Variants in MAGI1 observed in about 807,000 individuals in gnomAD.
The protein encoded by MAGI1 is membrane-associated guanylate kinase, WW and PDZ domain-containing protein 1.
Under a neutral mutation model 139.9 loss-of-function variants are expected in MAGI1, and 58 were observed. The observed-to-expected ratio is 0.41, with a 90% CI of 0.34 to 0.52. MAGI1 has a LOEUF of 0.52. Among genes scored for constraint, MAGI1 ranks in the 20% least tolerant of loss-of-function variants. The pLI is 0.12. For synonymous variants in MAGI1, 812 were observed against 737.9 expected (o/e 1.10, Z -1.63); for missense variants, 1,874 against 1,901.6 (o/e 0.99, Z 0.27).
chr3:65,464,299 T>A (rs530096451), intron 5 of MAGI1, among the ~76,000 whole-genome samples: 1 of 152,284 alleles, frequency 6.6e-6, no homozygotes, highest in East Asian at 1.9e-4. Context: ...GTTATTCTTC[T>A]CTTCCCAGGT....
chr3:65,998,697 T>A (rs552855121), intron 1 of MAGI1, among the ~76,000 whole-genome samples: 2 of 151,850 alleles, frequency 1.3e-5, no homozygotes, highest in Non-Finnish European at 2.9e-5. Context: ...TTTTGGGGGG[T>A]TTTTCTTTTT....
In MAGI1 at chr3:65,759,252, A is replaced by T. The variant is rs116654892; in HGVS notation, c.314-137164T>A. Among the ~76,000 whole-genome samples the T allele has an allele frequency of 9.5e-3, 1,453 of 152,236 alleles. 34 individuals are homozygous for T. The highest frequency in any genetic ancestry group is 0.033 in the African/African-American group (1,380 of 41,534). On this transcript the variant is annotated intron_variant, in intron 1 of 22. Coordinates refer to ENST00000402939, the MANE Select transcript of MAGI1 (RefSeq NM_001033057.2). ...GGACAGTTTTTAAAATATTGAACTGAGCTGCTAAAATTGTAACCATCTCAT... is the reference window on the plus strand; with the variant it reads ...GGACAGTTTTTAAAATATTGAACTGTGCTGCTAAAATTGTAACCATCTCAT...
At chr3:65,911,362 G>T (rs116141921) in intron 1 of MAGI1, among the ~76,000 whole-genome samples, 1 of 152,036 alleles carries the variant, frequency 6.6e-6, no homozygotes, top group African/African-American at 2.4e-5. Context: ...ATCCTCCGGG[G>T]GACGCTCTAC....
At chr3:65,927,849 G>A (rs1018042252) in intron 1 of MAGI1, among the ~76,000 whole-genome samples, 1 of 152,126 alleles carries the variant, frequency 6.6e-6, no homozygotes, top group Non-Finnish European at 1.5e-5. Flanking sequence ...TGTCCTCACA[G>A]TGAGCCAAGC....
intron 2 of MAGI1, among the ~76,000 whole-genome samples, chr3:65,565,100 G>C (rs80187774): frequency 1.3e-5 from 2 of 152,084 alleles, no homozygotes; most frequent in Non-Finnish European, 2.9e-5. Context: ...GCATACACAC[G>C]GGTGCACACA....
intron 1 of MAGI1, among the ~76,000 whole-genome samples, chr3:65,741,256 C>T (rs1004431735): frequency 2.0e-5 from 3 of 151,934 alleles, no homozygotes; most frequent in African/African-American, 7.3e-5. Context: ...CTCACTGCAA[C>T]CTCCGCCTCC....
At chr3:65,535,994 G>C (rs2078943238) in intron 2 of MAGI1, among the ~76,000 whole-genome samples, 2 of 152,152 alleles carry the variant, frequency 1.3e-5, no homozygotes, top group African/African-American at 4.8e-5. Context: ...GGGGCACATG[G>C]GAACTGAAAA....
At chr3:65,734,460 G>GAA (rs749370907) in intron 1 of MAGI1, among the ~76,000 whole-genome samples, 86 of 109,386 alleles carry the variant, frequency 7.9e-4, no homozygotes, top group Admixed American at 1.5e-3. Flanking sequence ...ACCCTGTCAA[G>GAA]AAAAAAAAAA....
intron 6 of MAGI1, among the ~76,000 whole-genome samples, chr3:65,449,014 A>G (rs550187674): frequency 1.3e-5 from 2 of 151,750 alleles, no homozygotes; most frequent in East Asian, 3.9e-4. Context: ...CCTTCTGCAC[A>G]TGTTAGGTAC....
At chr3:65,494,260 G>A (rs531127104) in intron 2 of MAGI1, among the ~76,000 whole-genome samples, 3 of 152,286 alleles carry the variant, frequency 2.0e-5, no homozygotes, top group East Asian at 1.9e-4. Flanking sequence ...GAGAAAGGAC[G>A]CTGCATTTGC....
chr3:65,734,987 C>T (rs1214451058), intron 1 of MAGI1, among the ~76,000 whole-genome samples: 6 of 151,994 alleles, frequency 3.9e-5, no homozygotes, highest in Admixed American at 3.9e-4. Context: ...AAAAGCTTCT[C>T]TCTATTAAAA....
At chr3:65,867,701 C>T (rs1040009154) in intron 1 of MAGI1, among the ~76,000 whole-genome samples, 1 of 152,070 alleles carries the variant, frequency 6.6e-6, no homozygotes, top group African/African-American at 2.4e-5. Context: ...TGCAGTGAGC[C>T]ATGATCTCAC....
chr3:65,723,889 AAG>A (rs916306429), intron 1 of MAGI1, among the ~76,000 whole-genome samples: 1 of 152,230 alleles, frequency 6.6e-6, no homozygotes, highest in African/African-American at 2.4e-5. Context: ...GCATGAGTGC[AAG>A]AGAACTTTGT....
At chr3:65,766,952 G>A (rs1259645751) in intron 1 of MAGI1, among the ~76,000 whole-genome samples, 1 of 152,108 alleles carries the variant, frequency 6.6e-6, no homozygotes, top group Non-Finnish European at 1.5e-5. Context: ...AGATGCTTGG[G>A]TTCTAGTCCG....
chr3:65,565,436 A>G (rs2080568819), intron 2 of MAGI1, among the ~76,000 whole-genome samples: 1 of 152,226 alleles, frequency 6.6e-6, no homozygotes, highest in Non-Finnish European at 1.5e-5. Flanking sequence ...AACAAAAAAC[A>G]AAACTCAGTG....
chr3:65,832,882 G>A (rs1353896557), intron 1 of MAGI1, among the ~76,000 whole-genome samples: 3 of 152,120 alleles, frequency 2.0e-5, no homozygotes, highest in Non-Finnish European at 4.4e-5. Context: ...GGGGGAGCTT[G>A]AATCCTACTC....
At chr3:65,918,445 A>G (rs112197613) in intron 1 of MAGI1, among the ~76,000 whole-genome samples, 11,106 of 143,442 alleles carry the variant, frequency 0.077, 527 homozygotes, top group Middle Eastern at 0.12. Context: ...CAATGGCGCG[A>G]TCTCGGCTCA....
intron 1 of MAGI1, among the ~76,000 whole-genome samples, chr3:65,779,547 A>G (rs1186493045): frequency 6.6e-6 from 1 of 152,250 alleles, no homozygotes; most frequent in African/African-American, 2.4e-5. Context: ...GTTGAATCTC[A>G]GAACTTTCTA....
chr3:65,883,411 A>G (rs1329300394), intron 1 of MAGI1, among the ~76,000 whole-genome samples: 5 of 152,210 alleles, frequency 3.3e-5, no homozygotes, highest in Non-Finnish European at 7.3e-5. Context: ...ACAAGAATAT[A>G]TATTTTATAA....
Sources: allele counts gnomAD v4.1 joint callset (sites outside exome capture counted in the v4.1 genomes callset), GRCh38; gene constraint gnomAD v4.1.1; transcripts MANE v1.5; gene names NCBI Gene and HGNC (gene_info 2026-07-23, HGNC 2026-07-21).